SDK1: variants seen among roughly 807,000 people sequenced by gnomAD.
SDK1 encodes the protein protein sidekick-1.
In SDK1, 157 loss-of-function variants were observed where a neutral mutation model predicts 245.5. That is an observed-to-expected ratio of 0.64 (90% CI 0.56 to 0.73). The LOEUF (loss-of-function observed/expected upper bound fraction) is 0.73, where lower values mean the gene tolerates loss of function less well. SDK1 is among the 30% of genes least tolerant of loss of function. The pLI is 0.00. For synonymous variants in SDK1, 1,647 were observed against 1,278.5 expected (o/e 1.29, Z -6.15); for missense variants, 3,583 against 3,002.3 (o/e 1.19, Z -4.52).
At chr7:4,049,486 CT>C in intron 18 of SDK1, 23 bp downstream of exon 18, 1 of 1,545,584 alleles carries the variant, frequency 6.5e-7, no homozygotes, top group Non-Finnish European at 8.9e-7. Flanking sequence ...GGTTCAGGGC[CT>C]GTGGGCAGCT....
intron 1 of SDK1, among the ~76,000 whole-genome samples, chr7:3,581,643 TG>T (rs1333255756): frequency 4.6e-5 from 7 of 152,246 alleles, no homozygotes; most frequent in Non-Finnish European, 8.8e-5. Flanking sequence ...ATCCCATTAA[TG>T]GGTATATACC....
chr7:3,973,005 G>C (rs1385424693), intron 12 of SDK1, among the ~76,000 whole-genome samples: 1 of 152,218 alleles, frequency 6.6e-6, no homozygotes, highest in Non-Finnish European at 1.5e-5. Context: ...AAGGAAGTCT[G>C]CTTTTCTGCT....
intron 5 of SDK1, among the ~76,000 whole-genome samples, chr7:3,873,313 A>T (rs1781002103): frequency 6.6e-6 from 1 of 152,078 alleles, no homozygotes; most frequent in South Asian, 2.1e-4. Context: ...TATATTTCTT[A>T]TCTTGCTCCT....
At chr7:3,392,673 C>G (rs138473549) in intron 1 of SDK1, among the ~76,000 whole-genome samples, 3 of 152,198 alleles carry the variant, frequency 2.0e-5, no homozygotes, top group Non-Finnish European at 4.4e-5. Flanking sequence ...ATGAATTTGT[C>G]TACTCTAGGT....
intron 17 of SDK1, among the ~76,000 whole-genome samples, chr7:4,037,758 A>G (rs1788325557): frequency 6.6e-6 from 1 of 152,336 alleles, no homozygotes; most frequent in African/African-American, 2.4e-5. Context: ...TTAATGAGGA[A>G]TACAGCTTTA....
intron 1 of SDK1, among the ~76,000 whole-genome samples, chr7:3,594,244 T>A (rs1780981290): frequency 2.0e-5 from 3 of 152,224 alleles, no homozygotes; most frequent in Admixed American, 1.3e-4. Flanking sequence ...CTCAACATAG[T>A]GTTTTCAAGG....
chr7:3,627,816 C>T (rs944757702), intron 2 of SDK1, among the ~76,000 whole-genome samples: 1 of 152,156 alleles, frequency 6.6e-6, no homozygotes, highest in Non-Finnish European at 1.5e-5. Context: ...GAAGTGGATG[C>T]TCTCTAGTGA....
rs1477791523 is a variant in SDK1, at chr7:3,578,707, C to A, written c.299-40373C>A. On this transcript the variant is annotated intron_variant, in intron 1 of 44. Coordinates refer to ENST00000404826, the MANE Select transcript of SDK1 (RefSeq NM_152744.4). ...GCAACACCTCTCCTGCTTGCACATC[C>A]GTTTATAGGCTCTCTGCAGGAAGAC... 1.3e-5 allele frequency among the ~76,000 whole-genome samples: 2 copies of A among 151,808 alleles called. 1 individual carries two copies. The highest frequency in any genetic ancestry group is 2.9e-5 in the Non-Finnish European group (2 of 67,896).
At chr7:4,007,840 G>C (rs974549331) in intron 14 of SDK1, among the ~76,000 whole-genome samples, 1 of 152,018 alleles carries the variant, frequency 6.6e-6, no homozygotes, top group African/African-American at 2.4e-5. Flanking sequence ...TCCTGACCTC[G>C]TGATCCACCT....
At chr7:3,913,702 GTATGT>G (rs1160096063) in intron 5 of SDK1, among the ~76,000 whole-genome samples, 1 of 152,048 alleles carries the variant, frequency 6.6e-6, no homozygotes, top group Non-Finnish European at 1.5e-5. Context: ...ACCCCCTTGA[GTATGT>G]TCACCAGTGG....
At chr7:4,070,284 C>T (rs1041504079) in intron 20 of SDK1, among the ~76,000 whole-genome samples, 2 of 152,230 alleles carry the variant, frequency 1.3e-5, no homozygotes, top group African/African-American at 2.4e-5. Flanking sequence ...TCGTCACCCT[C>T]ATTTCCCGGT....
chr7:3,544,917 A>C (rs1454070179), intron 1 of SDK1, among the ~76,000 whole-genome samples: 1 of 152,118 alleles, frequency 6.6e-6, no homozygotes, highest in Non-Finnish European at 1.5e-5. Context: ...TGTCAGAGGG[A>C]AGCAGTATGG....
intron 2 of SDK1, among the ~76,000 whole-genome samples, chr7:3,621,662 C>T (rs187119334): frequency 1.2e-3 from 181 of 152,292 alleles, no homozygotes; most frequent in Non-Finnish European, 2.1e-3. Context: ...CTTTTCCGAC[C>T]ACCTGTAATA....
chr7:3,731,444 A>G (rs1779175288), intron 4 of SDK1, among the ~76,000 whole-genome samples: 1 of 152,196 alleles, frequency 6.6e-6, no homozygotes, highest in African/African-American at 2.4e-5. Context: ...TGCTGGTGAA[A>G]TACAAGGAAG....
chr7:3,773,553 T>G (rs893567459), intron 4 of SDK1, among the ~76,000 whole-genome samples: 2 of 152,192 alleles, frequency 1.3e-5, no homozygotes, highest in East Asian at 3.8e-4. Flanking sequence ...CAGTTACTGT[T>G]GTTTTATTTT....
chr7:4,215,590 G>C (rs1235576916), intron 38 of SDK1, among the ~76,000 whole-genome samples: 2 of 152,208 alleles, frequency 1.3e-5, no homozygotes, highest in African/African-American at 4.8e-5. Context: ...GAGACTCAAT[G>C]TGTGACCGCA....
chr7:3,837,142 AT>A (rs1159688654), intron 5 of SDK1, among the ~76,000 whole-genome samples: 1 of 152,062 alleles, frequency 6.6e-6, no homozygotes, highest in East Asian at 1.9e-4. Flanking sequence ...TAACATAGTA[AT>A]TTTTTTACAG....
intron 4 of SDK1, among the ~76,000 whole-genome samples, chr7:3,695,575 A>G (rs1784547004): frequency 1.3e-5 from 2 of 152,220 alleles, no homozygotes; most frequent in Admixed American, 1.3e-4. Flanking sequence ...TGGGTGCATA[A>G]TAGTTTATTA....
At position 3,455,142 on chromosome 7, in the gene SDK1, T is replaced by G. The variant is rs1043599899; in HGVS notation, c.298+153258T>G. Among the ~76,000 whole-genome samples the G allele has an allele frequency of 2.6e-5, 4 of 151,438 alleles. No individual in the cohort carries two copies. The South Asian group carries it at 6.3e-4, about 24-fold the overall frequency. On this transcript the variant is annotated intron_variant, in intron 1 of 44. Coordinates refer to ENST00000404826, the MANE Select transcript of SDK1 (RefSeq NM_152744.4). The stretch of plus-strand genomic sequence containing the variant: ...GTCCATTTTGTAATTGGATTTTTGT[T>G]TTTTTTTTACTGTTGAGTTTTAAAA...
Sources: allele counts gnomAD v4.1 joint callset (sites outside exome capture counted in the v4.1 genomes callset), GRCh38; gene constraint gnomAD v4.1.1; transcripts MANE v1.5; gene names NCBI Gene and HGNC (gene_info 2026-07-23, HGNC 2026-07-21).